The following PLCG2 variants were observed in gnomAD, a reference collection of about 807,000 sequenced individuals.
PLCG2 encodes phospholipase C gamma 2, also known as 1-phosphatidylinositol 4,5-bisphosphate phosphodiesterase gamma-2.
Under a neutral mutation model 175.6 loss-of-function variants are expected in PLCG2, and 69 were observed. That is an observed-to-expected ratio of 0.39 (90% CI 0.32 to 0.48). The LOEUF (loss-of-function observed/expected upper bound fraction) is 0.48. PLCG2 is among the 20% of genes least tolerant of loss of function. The probability of loss-of-function intolerance (pLI) is 0.91; values close to 1 mark genes in which losing one functional copy is unlikely to be tolerated. For missense variants in PLCG2, 1,798 were observed against 1,650.9 expected (o/e 1.09, Z -1.54); for synonymous variants, 827 against 624.0 (o/e 1.33, Z -4.85).
intron 2 of PLCG2, among the ~76,000 whole-genome samples, chr16:81,825,718 C>G (rs1343188121): frequency 1.3e-5 from 2 of 152,192 alleles, no homozygotes; most frequent in Non-Finnish European, 2.9e-5. Flanking sequence ...AAACACACTC[C>G]CACGTAACCA....
At chr16:81,798,081 T>C (rs12445597) in intron 2 of PLCG2, among the ~76,000 whole-genome samples, 31,043 of 152,062 alleles carry the variant, frequency 0.2, 4,159 homozygotes, top group East Asian at 0.68. Context: ...TCTGCCTGCA[T>C]TGGCCTCCCA....
At chr16:81,952,400 T>C (rs1277857777) in intron 31 of PLCG2, among the ~76,000 whole-genome samples, 1 of 152,194 alleles carries the variant, frequency 6.6e-6, no homozygotes, top group Non-Finnish European at 1.5e-5. Flanking sequence ...ATTCCAGATA[T>C]TGCTAAATAT....
rs1409558977 is a variant in PLCG2 at position 81,910,395 on chromosome 16, GTGTC to G, written c.1734-121_1734-118del. ...CATGAGCCACTGCGCCCAGCCTCCT[GTGTC>G]TGTTCTAGGAGCAGAGGGAAGGTTG... On this transcript the variant is annotated intron_variant, in intron 17 of 32. Transcript: ENST00000564138. The G allele has an allele frequency of 3.6e-6, 3 of 824,948 alleles. No individual in the cohort carries two copies. In the East Asian group the frequency reaches 7.9e-5, roughly 22 times the overall value. 51.1% of individuals were successfully genotyped at this position (824,948 alleles called of 1,614,324 possible). A position where few individuals can be genotyped will look rare whatever the true frequency, so the allele number is the denominator to read the frequency against.
intron 2 of PLCG2, among the ~76,000 whole-genome samples, chr16:81,846,305 C>T (rs901694576): frequency 2.6e-5 from 4 of 152,172 alleles, no homozygotes; most frequent in African/African-American, 9.7e-5. Context: ...CATCCCCCCG[C>T]CACTCCCTAT....
chr16:81,759,940 C>T (rs1385670021), intron 2 of PLCG2, among the ~76,000 whole-genome samples: 1 of 152,154 alleles, frequency 6.6e-6, no homozygotes, highest in African/African-American at 2.4e-5. Context: ...TCCTGGCTAA[C>T]ACGGTGAAAC....
At chr16:81,792,309 C>T (rs1185741863) in intron 2 of PLCG2, among the ~76,000 whole-genome samples, 2 of 151,776 alleles carry the variant, frequency 1.3e-5, no homozygotes, top group Non-Finnish European at 2.9e-5. Context: ...TGGCGAAGCC[C>T]CATCTCTACT....
At chr16:81,802,093 C>CTTTTTTTTTTTTTCTTTTTT (rs1911748670) in intron 2 of PLCG2, among the ~76,000 whole-genome samples, 1 of 40,012 alleles carries the variant, frequency 2.5e-5, no homozygotes, top group African/African-American at 9.4e-5. Context: ...TGAGTACAGT[C>CTTTTTTTTTTTTTCTTTTTT]TTTTTTTTTT....
intron 2 of PLCG2, among the ~76,000 whole-genome samples, chr16:81,771,154 G>C (rs948793112): frequency 2.2e-4 from 34 of 152,138 alleles, no homozygotes; most frequent in African/African-American, 7.7e-4. Flanking sequence ...GTGACCACAA[G>C]ATCAAAACCT....
At chr16:81,885,577 G>A (rs544052083) in intron 9 of PLCG2, among the ~76,000 whole-genome samples, 12 of 152,006 alleles carry the variant, frequency 7.9e-5, no homozygotes, top group South Asian at 2.1e-4. Flanking sequence ...CAGACTTTGC[G>A]TCATTTTGTT....
chr16:81,862,534 C>T (rs1907033551), intron 5 of PLCG2, among the ~76,000 whole-genome samples: 3 of 152,178 alleles, frequency 2.0e-5, no homozygotes. Flanking sequence ...GACTTACTTT[C>T]CCCACTGGTG....
At chr16:81,901,545 G>A (rs1291462033) in intron 14 of PLCG2, among the ~76,000 whole-genome samples, 5 of 152,148 alleles carry the variant, frequency 3.3e-5, no homozygotes, top group African/African-American at 1.2e-4. Context: ...GACCCCCGAA[G>A]AATCCACGGT....
At chr16:81,783,195 C>A (rs969834352) in intron 1 of PLCG2, 4 of 465,798 alleles carry the variant, frequency 8.6e-6, no homozygotes, top group African/African-American at 7.9e-5. Flanking sequence ...GGCCTAGAGA[C>A]CTGGGAGTGG....
intron 30 of PLCG2, among the ~76,000 whole-genome samples, chr16:81,943,278 G>A (rs942125030): frequency 6.6e-6 from 1 of 152,228 alleles, no homozygotes; most frequent in South Asian, 2.1e-4. Context: ...TCTGCAGGCT[G>A]TACAGGCTTT....
chr16:81,780,105 G>T (rs1365570760), intron 1 of PLCG2, among the ~76,000 whole-genome samples: 1 of 152,102 alleles, frequency 6.6e-6, no homozygotes, highest in African/African-American at 2.4e-5. Context: ...GTGGGGCGGG[G>T]CTCTCTTGGT....
intron 2 of PLCG2, among the ~76,000 whole-genome samples, chr16:81,834,524 G>A (rs1451755945): frequency 6.6e-6 from 1 of 152,156 alleles, no homozygotes; most frequent in Non-Finnish European, 1.5e-5. Context: ...TTAGGGCTTT[G>A]GGAGAGACCG....
intron 24 of PLCG2, among the ~76,000 whole-genome samples, chr16:81,930,172 A>T (rs1034682987): frequency 6.6e-6 from 1 of 152,112 alleles, no homozygotes; most frequent in Non-Finnish European, 1.5e-5. Flanking sequence ...GCTCAAAATT[A>T]AAAAAATAAA....
intron 2 of PLCG2, among the ~76,000 whole-genome samples, chr16:81,823,789 C>G (rs2143347419): frequency 6.6e-6 from 1 of 152,100 alleles, no homozygotes; most frequent in Non-Finnish European, 1.5e-5. Flanking sequence ...CTCGGTGTCC[C>G]AAAGTGCTGG....
chr16:81,840,313 T>A (rs948402601), intron 2 of PLCG2, among the ~76,000 whole-genome samples: 1 of 152,156 alleles, frequency 6.6e-6, no homozygotes, highest in East Asian at 1.9e-4. Context: ...AGTCCCAGAC[T>A]TTTTTGGCAC....
intron 14 of PLCG2, among the ~76,000 whole-genome samples, chr16:81,904,659 T>A (rs976176822): frequency 6.6e-6 from 1 of 152,206 alleles, no homozygotes; most frequent in African/African-American, 2.4e-5. Context: ...GTGGTGTTGT[T>A]GTTTATTCAC....
Sources: gnomAD v4.1 joint callset for allele counts (sites outside exome capture counted in the v4.1 genomes callset) on GRCh38, gnomAD v4.1.1 for gene constraint, MANE v1.5 for transcripts, NCBI Gene and HGNC (gene_info 2026-07-23, HGNC 2026-07-21) for gene names.